Variants in COBLL1 observed in about 807,000 individuals in gnomAD.
COBLL1 encodes cordon-bleu WH2 repeat protein like 1, also known as cordon-bleu protein-like 1.
A neutral mutation model predicts 94.8 loss-of-function variants in COBLL1; 50 were observed. The observed-to-expected ratio is 0.53, with a 90% confidence interval of 0.42 to 0.67. COBLL1 has a LOEUF of 0.67. Ranked by LOEUF, COBLL1 falls within the 30% of genes least tolerant of loss-of-function variation. The pLI, the probability that COBLL1 is intolerant of heterozygous loss-of-function variation, is 0.00. For missense variants in COBLL1, 1,362 were observed against 1,348.7 expected (o/e 1.01, Z -0.15); for synonymous variants, 448 against 473.8 (o/e 0.95, Z 0.71).
At chr2:164,818,788 A>ATATAT (rs1321512077) in intron 2 of COBLL1, among the ~76,000 whole-genome samples, 1 of 149,668 alleles carries the variant, frequency 6.7e-6, no homozygotes. Flanking sequence ...ATATACATAT[A>ATATAT]ATTTTTTTTC....
intron 2 of COBLL1, chr2:164,771,931 T>C (rs1688225289): frequency 6.6e-6 from 1 of 151,648 alleles, no homozygotes; most frequent in African/African-American, 2.4e-5. Flanking sequence ...TGTTAAACAA[T>C]TCTATTACTC....
Position 164,782,784 on chromosome 2 carries a change from G to A in COBLL1, c.42-38909C>T, listed in dbSNP as rs1688777729. 2.6e-5 allele frequency among the ~76,000 whole-genome samples: 4 copies of A among 151,954 alleles called. No individual in the cohort carries two copies. In the South Asian group the frequency reaches 8.3e-4, roughly 32 times the overall value. On this transcript the variant is annotated intron_variant, in intron 2 of 13. Transcript: ENST00000652658. The stretch of plus-strand genomic sequence containing the variant: ...AGATTTATACTTCATAATAGCAACT[G>A]AAATATAAAAATAACATTCTATAAA...
At chr2:164,718,400 T>C in intron 7 of COBLL1, 1 of 200,366 alleles carries the variant, frequency 5.0e-6, no homozygotes, top group Non-Finnish European at 8.9e-6. Flanking sequence ...AAGCCCTTTA[T>C]GAACTGCTAA....
In COBLL1 at chr2:164,841,185, T is replaced by A; in HGVS notation, c.12A>T (p.Arg4=). ...CTGGGGCGTCCTGCGGGCGCGGGGT[T>A]CGGCCGTCCATCGCCCTGCGGGGCG... MDG[R]TPRPQDAPAR... is the part of the protein sequence containing the mutation. The change falls in exon 2 of 14, where the codon CGA becomes CGT. Residue 4 remains arginine, a synonymous_variant. Transcript: ENST00000652658. This position sits in a 1 kb window ranked among gnomAD's most constrained non-coding sequence, Gnocchi z 5.5. 1 of 1,232,496 alleles carries A rather than the reference T, an allele frequency of 8.1e-7. No individual in the cohort carries two copies. Among genetic ancestry groups the A allele is most frequent in the Non-Finnish European group, 1.0e-6 (1 of 989,174 alleles). The allele number at this position is 1,232,496 out of a possible 1,614,324, so 76.3% of individuals were successfully genotyped here. A position where few individuals can be genotyped will look rare whatever the true frequency, so the allele number is the denominator to read the frequency against.
At chr2:164,669,421 T>C (rs1486952499) in intron 1 of COBLL1, among the ~76,000 whole-genome samples, 1 of 152,254 alleles carries the variant, frequency 6.6e-6, no homozygotes, top group African/African-American at 2.4e-5. Flanking sequence ...TGTCCACTTA[T>C]GTTTCCAAAC....
At chr2:164,696,003 T>A in intron 11 of COBLL1, 167 bp from the exon 12 acceptor site, 1 of 582,532 alleles carries the variant, frequency 1.7e-6, no homozygotes, top group South Asian at 2.4e-5. Flanking sequence ...AAACAGTACG[T>A]GCTTTGGATT....
intron 2 of COBLL1, among the ~76,000 whole-genome samples, chr2:164,829,754 T>A (rs114681997): frequency 6.6e-6 from 1 of 152,220 alleles, no homozygotes; most frequent in Non-Finnish European, 1.5e-5. Context: ...ATAAATACTT[T>A]AAAATTTTTT....
chr2:164,737,550 TATA>T (rs1558967890), intron 3 of COBLL1, among the ~76,000 whole-genome samples: 3 of 152,204 alleles, frequency 2.0e-5, no homozygotes, highest in African/African-American at 7.2e-5. Flanking sequence ...AAGCATCTTA[TATA>T]GTTAAACATG....
Position 164,670,391 on chromosome 2 carries a change from TTC to T in COBLL1, n.127-4492_127-4491del, listed in dbSNP as rs1426560303. ...ATCTTTTATATGTATAAGAACATAT[TTC>T]TCTGATAATAAGTTTTTTCAATCTA... On this transcript the variant is annotated intron_variant and non_coding_transcript_variant, in intron 1 of 2. Transcript: ENST00000495084. Among the ~76,000 whole-genome samples, 4 of 152,350 alleles carry T rather than the reference TTC, an allele frequency of 2.6e-5. No homozygotes were observed. In the East Asian group the frequency reaches 7.7e-4, roughly 29 times the overall value.
chr2:164,664,992 T>C (rs1030587631), intron 2 of COBLL1, among the ~76,000 whole-genome samples: 1 of 151,826 alleles, frequency 6.6e-6, no homozygotes, highest in African/African-American at 2.4e-5. Context: ...AATCAACAAA[T>C]AGAAATGAAA....
intron 2 of COBLL1, among the ~76,000 whole-genome samples, chr2:164,784,493 T>C (rs1281295903): frequency 6.6e-6 from 1 of 152,168 alleles, no homozygotes; most frequent in Non-Finnish European, 1.5e-5. Flanking sequence ...AATTATTTCA[T>C]GTGGCTGCTG....
At chr2:164,718,821 C>T (rs1685304686) in intron 7 of COBLL1, among the ~76,000 whole-genome samples, 2 of 152,112 alleles carry the variant, frequency 1.3e-5, no homozygotes, top group Admixed American at 1.3e-4. Flanking sequence ...GGAAGTGGGG[C>T]CATTCCATTC....
intron 3 of COBLL1, chr2:164,738,333 A>C (rs753639199): frequency 6.6e-6 from 1 of 152,228 alleles, no homozygotes; most frequent in African/African-American, 2.4e-5. Context: ...TACTTATTCA[A>C]TGAGGAATAA....
intron 7 of COBLL1, among the ~76,000 whole-genome samples, chr2:164,712,901 T>C (rs1684971213): frequency 6.6e-6 from 1 of 152,196 alleles, no homozygotes; most frequent in South Asian, 2.1e-4. Flanking sequence ...TCCACTGTTA[T>C]ATGTGTATCT....
At chr2:164,687,841 G>T in intron 13 of COBLL1, 1 of 294,306 alleles carries the variant, frequency 3.4e-6, no homozygotes, top group Non-Finnish European at 6.4e-6. Context: ...TAATTATTTT[G>T]TAATCCTTGC....
chr2:164,838,372 T>G (rs1683421963), intron 2 of COBLL1, among the ~76,000 whole-genome samples: 1 of 152,244 alleles, frequency 6.6e-6, no homozygotes, highest in South Asian at 2.1e-4. Context: ...CCTAAAATAC[T>G]CATTCCCTGA....
chr2:164,700,647 AG>A lies in COBLL1; in HGVS notation c.1334del (p.Pro445LeufsTer7). 1 of 1,613,154 alleles carries A rather than the reference AG, an allele frequency of 6.2e-7. No individual in the cohort carries two copies. Among genetic ancestry groups the A allele is most frequent in the Non-Finnish European group, 8.5e-7 (1 of 1,179,196 alleles). On this transcript the variant is annotated frameshift_variant, in exon 10 of 14. Transcript: ENST00000652658. LOFTEE classifies it high-confidence loss of function. ...ENISPKSQDI[P>X]FVSTDIINTL... ...TATTTATTATATCAGTAGATACAAA[AG>A]GAATATCTTGTGACTTCGGAGAAAT...
chr2:164,820,407 T>C (rs1005801181), intron 2 of COBLL1, among the ~76,000 whole-genome samples: 1 of 149,704 alleles, frequency 6.7e-6, no homozygotes, highest in African/African-American at 2.5e-5. Context: ...TTGTTACAGA[T>C]TTGGGGTTTT....
chr2:164,818,598 AGCATATGTGTACATATGTACACATATATG>A (rs1182852384), intron 2 of COBLL1, among the ~76,000 whole-genome samples: 3,500 of 145,474 alleles, frequency 0.024, 125 homozygotes, highest in African/African-American at 0.074. Flanking sequence ...ACACATATAT[AGCATATGTGTACATATGTACACATATATG>A]GCGTATATGT....
Sources: gnomAD v4.1 joint callset for allele counts (sites outside exome capture counted in the v4.1 genomes callset) on GRCh38, gnomAD v4.1.1 for gene constraint, Gnocchi (gnomAD v3.1) non-coding constraint, MANE v1.5 for transcripts, NCBI Gene and HGNC (gene_info 2026-07-23, HGNC 2026-07-21) for gene names.